DARS1: variants seen among roughly 807,000 people sequenced by gnomAD.
DARS1 encodes the protein aspartate--tRNA ligase, cytoplasmic.
DARS1 carries 51 observed loss-of-function variants against 68.8 expected under a neutral mutation model. The observed-to-expected ratio is 0.74, with a 90% confidence interval of 0.59 to 0.94. DARS1 has a LOEUF of 0.94. DARS1 is among the 40% of genes least tolerant of loss of function. The pLI, the probability that DARS1 is intolerant of heterozygous loss-of-function variation, is 0.00. For missense variants in DARS1, 607 were observed against 597.3 expected (o/e 1.02, Z -0.17); for synonymous variants, 203 against 190.4 (o/e 1.07, Z -0.55).
At chr2:135,969,363 A>C (rs1458300769) in intron 3 of DARS1, among the ~76,000 whole-genome samples, 1 of 152,212 alleles carries the variant, frequency 6.6e-6, no homozygotes, top group Admixed American at 6.5e-5. Context: ...AAAGACACAG[A>C]ACAAATTAAG....
intron 4 of DARS1, 118 bp downstream of exon 4, chr2:135,961,278 A>G (rs1045702477): frequency 1.5e-6 from 1 of 651,082 alleles, no homozygotes; most frequent in Admixed American, 2.6e-5. Flanking sequence ...CAATTTAAAT[A>G]ACTACATTTT....
chr2:135,969,181 T>A (rs1682308059), intron 3 of DARS1, among the ~76,000 whole-genome samples: 1 of 152,092 alleles, frequency 6.6e-6, no homozygotes, highest in South Asian at 2.1e-4. Context: ...CTCGTGTAGA[T>A]CTGTAACTAG....
intron 15 of DARS1, among the ~76,000 whole-genome samples, chr2:135,910,606 T>C (rs1680875410): frequency 6.6e-6 from 1 of 152,164 alleles, no homozygotes; most frequent in African/African-American, 2.4e-5. Context: ...AATTTTAATT[T>C]GAAAATTTTG....
intron 5 of DARS1, among the ~76,000 whole-genome samples, chr2:135,942,923 T>C (rs1681637573): frequency 6.6e-6 from 1 of 152,212 alleles, no homozygotes; most frequent in Non-Finnish European, 1.5e-5. Context: ...ACCCCTTAAA[T>C]CTAAGTTTTG....
intron 8 of DARS1, among the ~76,000 whole-genome samples, chr2:135,924,087 A>C (rs907313526): frequency 1.3e-5 from 2 of 152,240 alleles, no homozygotes; most frequent in African/African-American, 2.4e-5. Context: ...ATTTCAAAAG[A>C]AATCTATATA....
chr2:135,942,605 T>C lies in DARS1; in HGVS notation c.423+773A>G, dbSNP rs1049002477. The stretch of plus-strand genomic sequence containing the variant: ...CCAACATGGCGCATGTATACATATG[T>C]AGCAAACCTGCACGTTGTGCACATG... On this transcript the variant is annotated intron_variant, in intron 5 of 15. Coordinates refer to ENST00000264161, the MANE Select transcript of DARS1 (RefSeq NM_001349.4). 9.2e-5 allele frequency among the ~76,000 whole-genome samples: 14 copies of C among 152,138 alleles called. 1 individual carries two copies. Among genetic ancestry groups the C allele is most frequent in the Admixed American group, 5.9e-4 (9 of 15,266 alleles).
chr2:135,965,084 T>A (rs1682193816), intron 3 of DARS1, among the ~76,000 whole-genome samples: 2 of 151,988 alleles, frequency 1.3e-5, no homozygotes, highest in Admixed American at 1.3e-4. Flanking sequence ...AAAAAATTGA[T>A]AATAGACCGT....
Position 135,916,356 on chromosome 2 carries a change from G to T in DARS1, c.976C>A (p.Gln326Lys). Residue 326 changes from glutamine (Q) to lysine (K), a missense_variant, in exon 11 of 16, where the codon CAA (glutamine) becomes AAA (lysine). Gln to Lys is a moderately conservative substitution (Grantham distance 53). Coordinates refer to ENST00000264161, the MANE Select transcript of DARS1 (RefSeq NM_001349.4). ...CATGGGAACTGTTTATTCACTGTTTGAATTTCAGTCTGAAACCTATTTGCA... is the reference window on the plus strand; with the variant it reads ...CATGGGAACTGTTTATTCACTGTTTTAATTTCAGTCTGAAACCTATTTGCA... ...GLQERFQTEI[Q>K]TVNKQFPCEP... 1 of 1,524,288 alleles carries T rather than the reference G, an allele frequency of 6.6e-7. No individual in the cohort carries two copies. The highest frequency in any genetic ancestry group is 9.1e-7 in the Non-Finnish European group (1 of 1,098,854). 94.4% of individuals were successfully genotyped at this position (1,524,288 alleles called of 1,614,324 possible).
chr2:135,981,382 T>G (rs1037593494), intron 2 of DARS1, among the ~76,000 whole-genome samples: 1 of 152,122 alleles, frequency 6.6e-6, no homozygotes, highest in African/African-American at 2.4e-5. Flanking sequence ...CTATTGCTCA[T>G]AGTCTATTTT....
intron 9 of DARS1, 28 bp downstream of exon 9, chr2:135,922,756 G>A (rs372259473): frequency 1.6e-5 from 24 of 1,512,646 alleles, no homozygotes; most frequent in Non-Finnish European, 2.0e-5. Flanking sequence ...TAATTAACTT[G>A]GATAAAACAT....
At chr2:135,939,855 TACC>T (rs1218492606) in intron 5 of DARS1, among the ~76,000 whole-genome samples, 1 of 152,118 alleles carries the variant, frequency 6.6e-6, no homozygotes, top group Non-Finnish European at 1.5e-5. Flanking sequence ...AAATACAAAC[TACC>T]ATCAGAGAAT....
intron 15 of DARS1, among the ~76,000 whole-genome samples, chr2:135,908,975 C>T (rs1273326578): frequency 6.6e-6 from 1 of 152,176 alleles, no homozygotes; most frequent in African/African-American, 2.4e-5. Context: ...GAGATCATGT[C>T]CTTTGCAGGG....
At chr2:135,970,738 CTAAA>C (rs1212545661) in intron 3 of DARS1, among the ~76,000 whole-genome samples, 1 of 151,724 alleles carries the variant, frequency 6.6e-6, no homozygotes, top group Non-Finnish European at 1.5e-5. Flanking sequence ...GAGAAAAGAC[CTAAA>C]TAAATAAAAT....
rs764550705 is a variant in DARS1 at position 135,911,439 on chromosome 2, C to T, written c.1285G>A (p.Ala429Thr). Residue 429 changes from alanine (A) to threonine (T), a missense_variant, in exon 14 of 16, where the codon GCT becomes ACT. By Grantham distance (58) the Ala-to-Thr change is moderately conservative. Transcript: ENST00000264161. ...AGTTGAGGATCATGTATTCTTTGAGCTCCTGACAATATTTCTTCTCCTCTC... is the reference window on the plus strand; with the variant it reads ...AGTTGAGGATCATGTATTCTTTGAGTTCCTGACAATATTTCTTCTCCTCTC... ...FMRGEEILSG[A>T]QRIHDPQLLT... is the part of the protein sequence containing the mutation. 1.3e-5 allele frequency: 14 copies of T among 1,117,134 alleles called. No individual in the cohort carries two copies. Among genetic ancestry groups the T allele is most frequent in the African/African-American group, 7.6e-5 (5 of 65,810 alleles). The allele number at this position is 1,117,134 out of a possible 1,614,324, so 69.2% of individuals were successfully genotyped here.
chr2:135,984,209 A>G (rs1682714130), intron 1 of DARS1, among the ~76,000 whole-genome samples: 1 of 152,240 alleles, frequency 6.6e-6, no homozygotes, highest in Admixed American at 6.5e-5. Flanking sequence ...AGATTCTTCT[A>G]GCTATAAAAT....
At chr2:135,966,795 A>T (rs1476006478) in intron 3 of DARS1, among the ~76,000 whole-genome samples, 1 of 152,176 alleles carries the variant, frequency 6.6e-6, no homozygotes, top group Non-Finnish European at 1.5e-5. Flanking sequence ...CAGCCTCCCA[A>T]AGTGTTGAGA....
intron 11 of DARS1, 155 bp from the exon 12 acceptor site, chr2:135,914,666 A>G (rs573917924): frequency 1.6e-6 from 1 of 629,980 alleles, no homozygotes; most frequent in South Asian, 1.9e-5. Context: ...GGCAAGTACT[A>G]CTGAAAATCA....
Position 135,913,672 on chromosome 2 carries a change from C to T in DARS1, c.1149+797G>A, listed in dbSNP as rs148000190. On this transcript the variant is annotated intron_variant, in intron 12 of 15. Coordinates refer to ENST00000264161, the MANE Select transcript of DARS1 (RefSeq NM_001349.4). ...ACTCGGGAGGCTGAGGCAGGAGAATCGCTTGAACCCAGGGGGTGGAGGTTG... is the reference window on the plus strand; with the variant it reads ...ACTCGGGAGGCTGAGGCAGGAGAATTGCTTGAACCCAGGGGGTGGAGGTTG... Among the ~76,000 whole-genome samples the T allele has an allele frequency of 7.6e-3, 1,156 of 151,836 alleles. 98 individuals carry two copies. In the East Asian group the frequency reaches 0.2, roughly 26 times the overall value.
intron 4 of DARS1, among the ~76,000 whole-genome samples, chr2:135,954,281 G>T (rs1415519205): frequency 8.0e-6 from 1 of 125,414 alleles, no homozygotes; most frequent in Non-Finnish European, 1.6e-5. Context: ...TTCACATCTC[G>T]ATTTCCTCAC....
Sources: gnomAD v4.1 joint callset for allele counts (sites outside exome capture counted in the v4.1 genomes callset) on GRCh38, gnomAD v4.1.1 for gene constraint, MANE v1.5 for transcripts, NCBI Gene and HGNC (gene_info 2026-07-23, HGNC 2026-07-21) for gene names.